Variants in PCNX2 observed in about 807,000 individuals in gnomAD.
PCNX2 encodes pecanex 2.
Under a neutral mutation model 223.8 loss-of-function variants are expected in PCNX2, and 168 were observed. That is an observed-to-expected ratio of 0.75 (90% CI 0.66 to 0.85). PCNX2 has a LOEUF of 0.85. Among genes scored for constraint, PCNX2 ranks in the 40% least tolerant of loss-of-function variants. PCNX2 has a pLI of 0.00. For missense variants in PCNX2, 2,507 were observed against 2,675.5 expected, an observed-to-expected ratio of 0.94 and a Z score of 1.39; for synonymous variants, 1,006 against 1,052.6, an observed-to-expected ratio of 0.96 and a Z score of 0.86.
intron 9 of PCNX2, 21 bp from the exon 10 acceptor site, chr1:233,227,392 C>A (rs752625673): frequency 2.8e-5 from 44 of 1,598,574 alleles, no homozygotes; most frequent in Admixed American, 5.3e-5. Context: ...CCAAAAGAAA[C>A]AACAGAAAAA....
chr1:233,283,626 T>A (rs1469952861), intron 1 of PCNX2, among the ~76,000 whole-genome samples: 1 of 151,806 alleles, frequency 6.6e-6, no homozygotes, highest in Non-Finnish European at 1.5e-5. Context: ...TAGATTATAC[T>A]CCCATTGAAT....
chr1:233,043,354 T>C lies in PCNX2; in HGVS notation c.4351+10914A>G, dbSNP rs527940492. On this transcript the variant is annotated intron_variant, in intron 25 of 33. Transcript: ENST00000258229. The stretch of plus-strand genomic sequence containing the variant: ...TTCTTTTGAAAACCCTTGAACTTGA[T>C]GGCCCCCATTGGCCTTCTAACATGC... Among the ~76,000 whole-genome samples the C allele has an allele frequency of 4.9e-3, 752 of 152,316 alleles. 7 individuals carry two copies. Among genetic ancestry groups the C allele is most frequent in the African/African-American group, 0.018 (733 of 41,570 alleles).
At chr1:233,047,508 C>T (rs1177705959) in intron 25 of PCNX2, 1 of 590,208 alleles carries the variant, frequency 1.7e-6, no homozygotes, top group African/African-American at 2.0e-5. Context: ...ACCTTAAATT[C>T]CAGAAAAAAC....
Position 233,000,474 on chromosome 1 carries a change from G to A in PCNX2, c.5159C>T (p.Ser1720Phe), listed in dbSNP as rs766654267. ...DPAVLYEAIQ[S>F]FEKKVVICHE... ...GCAGATGACCACCTTCTTCTCGAAG[G>A]ACTGGATGGCCTCGTAGAGGACTGC... is the stretch of plus-strand genomic sequence containing the variant. The change falls in exon 30 of 34, where the codon TCC (serine) becomes TTC (phenylalanine). Residue 1720 changes from serine (S) to phenylalanine (F), a missense_variant. Ser to Phe is a radical substitution (Grantham distance 155). Transcript: ENST00000258229. The surrounding 1 kb of genome is among the most constrained non-coding windows in gnomAD (Gnocchi z 4.6). 6.3e-7 allele frequency: 1 copy of A among 1,599,320 alleles called. No individual in the cohort carries two copies.
chr1:233,051,727 A>G (rs1023738064), intron 25 of PCNX2, among the ~76,000 whole-genome samples: 1 of 152,184 alleles, frequency 6.6e-6, no homozygotes, highest in Non-Finnish European at 1.5e-5. Flanking sequence ...ACAAAGGTTG[A>G]AAAACTGTTG....
chr1:233,225,115 A>T (rs1657626208), intron 10 of PCNX2, among the ~76,000 whole-genome samples: 1 of 148,866 alleles, frequency 6.7e-6, no homozygotes, highest in African/African-American at 2.5e-5. Context: ...TAAAGTAAAA[A>T]AAAAAAAAAA....
At chr1:233,319,546 C>T in the PCNX2 span, among the ~76,000 whole-genome samples, 1 of 152,174 alleles carries the variant, frequency 6.6e-6, no homozygotes. Flanking sequence ...GGCTGAATTC[C>T]ATTTCGTAGT....
rs549377138 is a variant in PCNX2, at chr1:232,990,204, C to G, written c.5792-3664G>C. ...CTGGGAATGGCAGGTAGGTGGTTTC[C>G]GCAAAGTGTCCCGGGCAGGGCCAGG... On this transcript the variant is annotated intron_variant, in intron 32 of 33. Coordinates refer to ENST00000258229, the MANE Select transcript of PCNX2 (RefSeq NM_014801.4). The surrounding 1 kb of genome is among the most constrained non-coding windows in gnomAD (Gnocchi z 4.3). Among the ~76,000 whole-genome samples the G allele has an allele frequency of 3.9e-5, 6 of 152,198 alleles. No homozygotes were observed. The highest frequency in any genetic ancestry group is 8.8e-5 in the Non-Finnish European group (6 of 68,040).
chr1:233,024,662 C>A (rs1452669213), intron 26 of PCNX2, among the ~76,000 whole-genome samples: 1 of 152,172 alleles, frequency 6.6e-6, no homozygotes, highest in African/African-American at 2.4e-5. Context: ...TTATTAGTCT[C>A]CATGTGAGTT....
chr1:233,179,011 G>A (rs1423100324), intron 16 of PCNX2, 55 bp downstream of exon 16: 2 of 1,514,220 alleles, frequency 1.3e-6, no homozygotes, highest in Admixed American at 1.7e-5. Flanking sequence ...GCACAAAGCT[G>A]CAGGAACTAT....
rs775005106 is a variant in PCNX2 at position 233,295,007 on chromosome 1, G to A, written c.153+319C>T. Among the ~76,000 whole-genome samples the A allele has an allele frequency of 8.5e-5, 13 of 152,062 alleles. No homozygotes were observed. Among genetic ancestry groups the A allele is most frequent in the Non-Finnish European group, 1.8e-4 (12 of 68,018 alleles). On this transcript the variant is annotated intron_variant, in intron 1 of 33. Transcript: ENST00000258229. The surrounding 1 kb of genome is among the most constrained non-coding windows in gnomAD (Gnocchi z 4.1). ...ATTATCCCAAGCTACCCAGCTCTAAGGCCTAGAGTTACCCACCTACAAAAC... is the reference window on the plus strand; with the variant it reads ...ATTATCCCAAGCTACCCAGCTCTAAAGCCTAGAGTTACCCACCTACAAAAC...
At chr1:233,069,607 A>G (rs1490911401) in intron 23 of PCNX2, among the ~76,000 whole-genome samples, 1 of 152,170 alleles carries the variant, frequency 6.6e-6, no homozygotes, top group Non-Finnish European at 1.5e-5. Context: ...AATTCTAAAT[A>G]AACCATGGGT....
intron 8 of PCNX2, among the ~76,000 whole-genome samples, chr1:233,247,641 G>T (rs1659201042): frequency 6.6e-6 from 1 of 152,058 alleles, no homozygotes; most frequent in African/African-American, 2.4e-5. Flanking sequence ...CACTTTGGGA[G>T]GCCAAGGCTG....
intron 25 of PCNX2, among the ~76,000 whole-genome samples, chr1:233,029,402 T>G (rs957019830): frequency 6.6e-6 from 1 of 152,196 alleles, no homozygotes; most frequent in East Asian, 1.9e-4. Flanking sequence ...CAAATATACA[T>G]TCTTATAATT....
intron 33 of PCNX2, chr1:232,985,208 C>T (rs1669429287): frequency 6.6e-6 from 1 of 152,206 alleles, no homozygotes; most frequent in Admixed American, 6.5e-5. Flanking sequence ...CCGGCCCAGC[C>T]TTGGCTTCCC....
chr1:233,162,499 A>G (rs75932858), intron 17 of PCNX2, among the ~76,000 whole-genome samples: 1,959 of 152,310 alleles, frequency 0.013, 26 homozygotes, highest in South Asian at 0.036. Context: ...AGAAACAGTG[A>G]AAAAGTCGGG....
chr1:233,043,075 C>G (rs1298572353), intron 25 of PCNX2, among the ~76,000 whole-genome samples: 4 of 152,176 alleles, frequency 2.6e-5, no homozygotes, highest in Non-Finnish European at 5.9e-5. Flanking sequence ...ACGCCTTCTG[C>G]TTTCTGTTCC....
intron 23 of PCNX2, chr1:233,057,921 G>A: frequency 1.0e-6 from 1 of 985,246 alleles, no homozygotes; most frequent in Non-Finnish European, 1.2e-6. Flanking sequence ...TGAGAACAGT[G>A]TCCACAAAGG....
At chr1:233,015,358 T>C (rs1163384809) in intron 27 of PCNX2, among the ~76,000 whole-genome samples, 2 of 152,046 alleles carry the variant, frequency 1.3e-5, no homozygotes, top group African/African-American at 2.4e-5. Flanking sequence ...TTCAAGACCA[T>C]CCTGGGCAAC....
Sources: gnomAD v4.1 joint callset for allele counts (sites outside exome capture counted in the v4.1 genomes callset) on GRCh38, gnomAD v4.1.1 for gene constraint, Gnocchi (gnomAD v3.1) non-coding constraint, MANE v1.5 for transcripts, NCBI Gene and HGNC (gene_info 2026-07-23, HGNC 2026-07-21) for gene names.